Variants in FER1L5 observed in about 807,000 individuals in gnomAD.
FER1L5 encodes the protein fer-1-like protein 5.
In FER1L5, 187 loss-of-function variants were observed where a neutral mutation model predicts 279.9. The ratio of observed to expected loss-of-function variants is 0.67; its 90% CI spans 0.59 to 0.75. FER1L5 has a LOEUF of 0.75. Ranked by LOEUF, FER1L5 falls within the 30% of genes least tolerant of loss-of-function variation. FER1L5 has a pLI of 0.00. For synonymous variants in FER1L5, 921 were observed against 989.7 expected, an observed-to-expected ratio of 0.93 and a Z score of 1.30; for missense variants, 2,091 against 2,594.4, an observed-to-expected ratio of 0.81 and a Z score of 4.21.
Position 96,661,306 on chromosome 2 carries a change from G to A in FER1L5, c.779-19G>A, listed in dbSNP as rs1376120583. ...AGGAGGCTGCAGGCAGATCTCCCATGGCCTTTCTGCCTCTCTAGGTCACAC... is the reference window on the plus strand; with the variant it reads ...AGGAGGCTGCAGGCAGATCTCCCATAGCCTTTCTGCCTCTCTAGGTCACAC... On this transcript the variant is annotated intron_variant, in intron 10 of 52. Coordinates refer to ENST00000624922, the MANE Select transcript of FER1L5 (RefSeq NM_001293083.2). The A allele has an allele frequency of 2.0e-6, 3 of 1,503,690 alleles. No individual in the cohort carries two copies. Among genetic ancestry groups the A allele is most frequent in the Non-Finnish European group, 2.7e-6 (3 of 1,117,962 alleles). The allele number at this position is 1,503,690 out of a possible 1,614,324, so 93.1% of individuals were successfully genotyped here.
chr2:96,692,709 G>T (rs187010941), intron 31 of FER1L5, among the ~76,000 whole-genome samples: 19 of 152,300 alleles, frequency 1.2e-4, no homozygotes, highest in African/African-American at 4.6e-4. Context: ...ACGCCCCAGT[G>T]CAAGTTTCAG....
intron 42 of FER1L5, 126 bp downstream of exon 42, chr2:96,699,262 C>A: frequency 2.0e-6 from 2 of 993,848 alleles, no homozygotes; most frequent in Non-Finnish European, 3.0e-6. Flanking sequence ...CAGCGTCTTA[C>A]ATGCCCTGGT....
intron 1 of FER1L5, among the ~76,000 whole-genome samples, chr2:96,644,776 T>C (rs2075047274): frequency 6.6e-6 from 1 of 152,222 alleles, no homozygotes; most frequent in Admixed American, 6.5e-5. Context: ...CACAGGGTGA[T>C]GCATGCTGAT....
intron 20 of FER1L5, 140 bp downstream of exon 20, chr2:96,684,591 G>T: frequency 7.8e-7 from 1 of 1,284,812 alleles, no homozygotes; most frequent in South Asian, 1.5e-5. Flanking sequence ...AGAAGAATGT[G>T]CCAGAAGCAG....
At chr2:96,659,024 C>T (rs940675467) in intron 9 of FER1L5, among the ~76,000 whole-genome samples, 2 of 152,086 alleles carry the variant, frequency 1.3e-5, no homozygotes, top group Non-Finnish European at 2.9e-5. Context: ...CCGCTCACTG[C>T]AAGCTCCACC....
intron 9 of FER1L5, among the ~76,000 whole-genome samples, chr2:96,657,229 C>G (rs978329873): frequency 6.6e-6 from 1 of 151,874 alleles, no homozygotes; most frequent in African/African-American, 2.4e-5. Flanking sequence ...CACGTGCCAC[C>G]ATGCCCAGCG....
In FER1L5 at chr2:96,689,559, G is replaced by C. The variant is rs983590655; in HGVS notation, c.2526-85G>C. 3.5e-5 allele frequency: 50 copies of C among 1,438,256 alleles called. No homozygotes were observed. The highest frequency in any genetic ancestry group is 4.6e-5 in the Non-Finnish European group (48 of 1,046,454). The allele number at this position is 1,438,256 out of a possible 1,614,324, so 89.1% of individuals were successfully genotyped here. ...AGAGCAGGTGGGGATGGGATGCCAG[G>C]TATGGGAACGCTTGGCCAGCAGAAG... On this transcript the variant is annotated intron_variant, in intron 25 of 52. Coordinates refer to ENST00000624922, the MANE Select transcript of FER1L5 (RefSeq NM_001293083.2). This position sits in a 1 kb window ranked among gnomAD's most constrained non-coding sequence, Gnocchi z 4.6.
chr2:96,676,320 C>T (rs997880714), intron 19 of FER1L5, among the ~76,000 whole-genome samples: 3 of 152,030 alleles, frequency 2.0e-5, no homozygotes, highest in Middle Eastern at 3.2e-3. Flanking sequence ...TACAGGCATG[C>T]GCCACCATGC....
At chr2:96,659,000 C>T (rs1186413708) in intron 9 of FER1L5, among the ~76,000 whole-genome samples, 1 of 152,058 alleles carries the variant, frequency 6.6e-6, no homozygotes. Context: ...GGCTGGAGTG[C>T]AGTGGTGTGA....
At chr2:96,660,248 G>T in intron 9 of FER1L5, 93 bp from the exon 10 acceptor site, 6 of 1,319,304 alleles carry the variant, frequency 4.5e-6, no homozygotes, top group Non-Finnish European at 6.4e-6. Context: ...ACATACTGAA[G>T]CCCCAACAGC....
rs765614142 is a variant in FER1L5, at chr2:96,646,441, C to T, written c.126C>T (p.Pro42=). The T allele has an allele frequency of 2.4e-5, 38 of 1,551,670 alleles. 2 individuals carry two copies. Among genetic ancestry groups the T allele is most frequent in the Admixed American group, 9.8e-5 (5 of 50,982 alleles). Residue 42 remains proline (P), a synonymous_variant, in exon 2 of 53, where the codon CCC becomes CCT. Transcript: ENST00000624922. ...KRTRVVEGND[P]VWNETLIWHL... ...CTCGTGTGGTGGAAGGGAATGATCCCGTGTGGAATGAGGTAGACAACAGGG... is the reference window on the plus strand; with the variant it reads ...CTCGTGTGGTGGAAGGGAATGATCCTGTGTGGAATGAGGTAGACAACAGGG...
At chr2:96,664,043 G>T (rs1483850496) in intron 14 of FER1L5, among the ~76,000 whole-genome samples, 1 of 152,026 alleles carries the variant, frequency 6.6e-6, no homozygotes, top group Non-Finnish European at 1.5e-5. Flanking sequence ...AGCTAAGTAG[G>T]TGATAACAAC....
intron 44 of FER1L5, 31 bp downstream of exon 44, chr2:96,700,111 C>T: frequency 6.2e-7 from 1 of 1,612,278 alleles, no homozygotes; most frequent in Non-Finnish European, 8.5e-7. Context: ...GCAGAAAGCA[C>T]AGACACAGGC....
intron 18 of FER1L5, 115 bp from the exon 19 acceptor site, chr2:96,672,962 G>GAGAGA (rs2076382459): frequency 7.5e-7 from 1 of 1,332,114 alleles, no homozygotes; most frequent in African/African-American, 1.5e-5. Context: ...CTTTGAGAGG[G>GAGAGA]AGAGAAGGGA....
chr2:96,699,461 A>C, intron 42 of FER1L5, 89 bp from the exon 43 acceptor site: 1 of 1,407,576 alleles, frequency 7.1e-7, no homozygotes. Flanking sequence ...TGAACAAACA[A>C]GGGGCCTACG....
intron 6 of FER1L5, among the ~76,000 whole-genome samples, chr2:96,651,487 T>C (rs1282372826): frequency 7.2e-6 from 1 of 138,492 alleles, no homozygotes; most frequent in African/African-American, 2.6e-5. Context: ...CTCCCTCCCT[T>C]CTTTCTTTCT....
intron 14 of FER1L5, 90 bp from the exon 15 acceptor site, chr2:96,668,661 A>G: frequency 6.9e-7 from 1 of 1,459,328 alleles, no homozygotes; most frequent in Non-Finnish European, 9.4e-7. Flanking sequence ...TTGCTCCCAG[A>G]CCCGCGACTC....
At chr2:96,683,902 G>A (rs558232271) in intron 19 of FER1L5, among the ~76,000 whole-genome samples, 34 of 152,296 alleles carry the variant, frequency 2.2e-4, no homozygotes, top group Admixed American at 7.8e-4. Flanking sequence ...GGCACCCATC[G>A]GGGGTGTTTA....
Position 96,699,031 on chromosome 2 carries a change from G to A in FER1L5, c.4519-14G>A. The A allele has an allele frequency of 1.2e-6, 2 of 1,601,760 alleles. No homozygotes were observed. Among genetic ancestry groups the A allele is most frequent in the Non-Finnish European group, 1.7e-6 (2 of 1,174,306 alleles). On this transcript the variant is annotated splice_polypyrimidine_tract_variant and intron_variant, in intron 41 of 52. Coordinates refer to ENST00000624922, the MANE Select transcript of FER1L5 (RefSeq NM_001293083.2). ...CCCAGTTCCTATCCTTCCCCCACTT[G>A]TATCTGACCCCAGTGTGACCCTTAT...
Sources: allele counts gnomAD v4.1 joint callset (sites outside exome capture counted in the v4.1 genomes callset), GRCh38; gene constraint gnomAD v4.1.1; non-coding constraint Gnocchi (gnomAD v3.1); transcripts MANE v1.5; gene names NCBI Gene and HGNC (gene_info 2026-07-23, HGNC 2026-07-21).